MTHFD2L: variants seen among roughly 807,000 people sequenced by gnomAD.
MTHFD2L encodes the protein bifunctional methylenetetrahydrofolate dehydrogenase/cyclohydrolase 2, mitochondrial.
MTHFD2L carries 29 observed loss-of-function variants against 34.9 expected under a neutral mutation model. That is an observed-to-expected ratio of 0.83 (90% CI 0.62 to 1.13). The LOEUF (loss-of-function observed/expected upper bound fraction) is 1.13, where lower values mean the gene tolerates loss of function less well. Ranked by LOEUF, MTHFD2L falls within the 50% of genes most tolerant of loss-of-function variation. The probability of loss-of-function intolerance (pLI) is 0.00; values close to 1 mark genes in which losing one functional copy is unlikely to be tolerated. For missense variants in MTHFD2L, 481 were observed against 446.5 expected, an observed-to-expected ratio of 1.08 and a Z score of -0.70; for synonymous variants, 167 against 155.7, an observed-to-expected ratio of 1.07 and a Z score of -0.54.
chr4:74,186,564 T>C (rs949350207), intron 3 of MTHFD2L, among the ~76,000 whole-genome samples: 1 of 151,928 alleles, frequency 6.6e-6, no homozygotes, highest in African/African-American at 2.4e-5. Context: ...TATTGAAATT[T>C]TAAATATACA....
intron 5 of MTHFD2L, among the ~76,000 whole-genome samples, chr4:74,220,875 A>T (rs183966811): frequency 6.7e-6 from 1 of 150,018 alleles, no homozygotes; most frequent in East Asian, 2.0e-4. Flanking sequence ...TTCTAGTTTC[A>T]TTTGTTTATT....
intron 3 of MTHFD2L, among the ~76,000 whole-genome samples, chr4:74,192,450 C>T (rs1732715585): frequency 6.6e-6 from 1 of 152,108 alleles, no homozygotes; most frequent in African/African-American, 2.4e-5. Flanking sequence ...ACTTAATATA[C>T]CCCTAAAACT....
At chr4:74,167,226 A>G (rs1726907695) in intron 1 of MTHFD2L, among the ~76,000 whole-genome samples, 3 of 152,200 alleles carry the variant, frequency 2.0e-5, no homozygotes, top group Admixed American at 2.0e-4. Context: ...GGGCTTTAGC[A>G]GCAAGCCCAC....
At chr4:74,245,088 T>C (rs980670270) in intron 6 of MTHFD2L, among the ~76,000 whole-genome samples, 2 of 149,638 alleles carry the variant, frequency 1.3e-5, no homozygotes, top group East Asian at 4.0e-4. Context: ...CCAGCTACTC[T>C]GGAGGCTGAG....
At chr4:74,284,531 GTT>G (rs1019825319) in intron 7 of MTHFD2L, among the ~76,000 whole-genome samples, 1 of 143,784 alleles carries the variant, frequency 7.0e-6, no homozygotes. Flanking sequence ...GGGGTTGTTT[GTT>G]TTTTTTTTTC....
intron 6 of MTHFD2L, among the ~76,000 whole-genome samples, chr4:74,265,245 A>G (rs964880266): frequency 6.6e-6 from 1 of 152,108 alleles, no homozygotes; most frequent in Non-Finnish European, 1.5e-5. Context: ...CAACTGGCTT[A>G]TTTATGTGTC....
chr4:74,194,838 T>C (rs1256174315), intron 3 of MTHFD2L: 1 of 142,466 alleles, frequency 7.0e-6, no homozygotes, highest in Admixed American at 7.1e-5. Context: ...CTGATTTCTG[T>C]GTGTTGTGTC....
intron 3 of MTHFD2L, among the ~76,000 whole-genome samples, chr4:74,193,546 T>C (rs1488520957): frequency 6.6e-5 from 10 of 152,234 alleles, no homozygotes; most frequent in Admixed American, 3.9e-4. Flanking sequence ...CTTACCATCA[T>C]TGAGTCTTCC....
At chr4:74,175,163 G>A in intron 2 of MTHFD2L, 118 bp from the exon 3 acceptor site, 1 of 1,047,162 alleles carries the variant, frequency 9.5e-7, no homozygotes, top group Non-Finnish European at 1.4e-6. Context: ...TCCTGATGAT[G>A]CATGGAACAT....
intron 6 of MTHFD2L, among the ~76,000 whole-genome samples, chr4:74,247,841 T>G (rs1174905498): frequency 3.9e-5 from 6 of 152,178 alleles, no homozygotes; most frequent in Non-Finnish European, 5.9e-5. Context: ...CACTTGATCA[T>G]GGTGGATAAG....
chr4:74,281,973 C>CT (rs1305890505), intron 7 of MTHFD2L, among the ~76,000 whole-genome samples: 1 of 152,070 alleles, frequency 6.6e-6, no homozygotes, highest in Non-Finnish European at 1.5e-5. Flanking sequence ...GTGTGTCTGC[C>CT]AACCCTAACT....
At chr4:74,183,666 A>G (rs1043702756) in intron 3 of MTHFD2L, 3 of 152,034 alleles carry the variant, frequency 2.0e-5, no homozygotes, top group Non-Finnish European at 4.4e-5. Context: ...ACCACAACAA[A>G]AAAGAGATAT....
At chr4:74,172,079 ATTTGAT>A (rs1280223322) in intron 1 of MTHFD2L, among the ~76,000 whole-genome samples, 1 of 152,234 alleles carries the variant, frequency 6.6e-6, no homozygotes, top group Non-Finnish European at 1.5e-5. Flanking sequence ...AGTATGTAGT[ATTTGAT>A]TCAATTTTTA....
At chr4:74,169,878 A>G (rs967241975) in intron 1 of MTHFD2L, among the ~76,000 whole-genome samples, 1 of 152,208 alleles carries the variant, frequency 6.6e-6, no homozygotes, top group East Asian at 1.9e-4. Context: ...ATTTGCTTAT[A>G]ATTACATACA....
chr4:74,128,519 T>A (rs1722239564), intron 1 of MTHFD2L, among the ~76,000 whole-genome samples: 2 of 152,124 alleles, frequency 1.3e-5, no homozygotes, highest in Non-Finnish European at 1.5e-5. Context: ...AAAAAATGAC[T>A]TGGCTATAAA....
chr4:74,270,256 G>C (rs1042818010), intron 6 of MTHFD2L, among the ~76,000 whole-genome samples: 4 of 151,818 alleles, frequency 2.6e-5, no homozygotes, highest in Non-Finnish European at 4.4e-5. Context: ...TGCCATGTGG[G>C]TGTGCTGCAC....
intron 3 of MTHFD2L, among the ~76,000 whole-genome samples, chr4:74,189,024 G>A (rs1238318742): frequency 6.6e-6 from 1 of 151,968 alleles, no homozygotes; most frequent in Non-Finnish European, 1.5e-5. Context: ...TCTGTTTGGA[G>A]CAGGACGGAG....
chr4:74,296,783 A>G (rs1749688776), intron 7 of MTHFD2L, among the ~76,000 whole-genome samples: 3 of 152,082 alleles, frequency 2.0e-5, no homozygotes, highest in African/African-American at 7.2e-5. Context: ...CTCACAAGAG[A>G]TTCCACTATG....
At chr4:74,195,472 G>T (rs1234186191) in intron 3 of MTHFD2L, 1 of 152,170 alleles carries the variant, frequency 6.6e-6, no homozygotes, top group African/African-American at 2.4e-5. Context: ...CTGATAAAGT[G>T]CTAGATATAT....
Sources: allele counts gnomAD v4.1 joint callset (sites outside exome capture counted in the v4.1 genomes callset), GRCh38; gene constraint gnomAD v4.1.1; transcripts MANE v1.5; gene names NCBI Gene and HGNC (gene_info 2026-07-23, HGNC 2026-07-21).